Variants in RSRC1 observed in about 807,000 individuals in gnomAD.
RSRC1 encodes the protein serine/Arginine-related protein 53.
A neutral mutation model predicts 49.1 loss-of-function variants in RSRC1; 39 were observed. The ratio of observed to expected loss-of-function variants is 0.79; its 90% CI spans 0.61 to 1.04. The LOEUF (loss-of-function observed/expected upper bound fraction) is 1.04. RSRC1 is among the 50% of genes least tolerant of loss of function. RSRC1 has a pLI of 0.00. For synonymous variants in RSRC1, 143 were observed against 130.8 expected, an observed-to-expected ratio of 1.09 and a Z score of -0.63; for missense variants, 388 against 402.4, an observed-to-expected ratio of 0.96 and a Z score of 0.31.
At chr3:158,504,249 A>T (rs1739746355) in intron 7 of RSRC1, among the ~76,000 whole-genome samples, 1 of 152,198 alleles carries the variant, frequency 6.6e-6, no homozygotes, top group African/African-American at 2.4e-5. Flanking sequence ...CTGCAGGAGC[A>T]GTCAGCTTCC....
At chr3:158,453,226 C>A (rs1173648186) in intron 6 of RSRC1, among the ~76,000 whole-genome samples, 11 of 151,378 alleles carry the variant, frequency 7.3e-5, no homozygotes, top group African/African-American at 2.7e-4. Context: ...CATTTTCAAA[C>A]TCTTGTGCAC....
chr3:158,517,055 T>C (rs1291755076), intron 7 of RSRC1, among the ~76,000 whole-genome samples: 1 of 152,252 alleles, frequency 6.6e-6, no homozygotes, highest in Non-Finnish European at 1.5e-5. Flanking sequence ...ATCACCCGTC[T>C]TCTGCGTCGC....
intron 6 of RSRC1, among the ~76,000 whole-genome samples, chr3:158,390,796 A>G (rs140087629): frequency 0.016 from 2,424 of 152,230 alleles, 17 homozygotes; most frequent in African/African-American, 0.021. Flanking sequence ...AAATTTGTCA[A>G]TGAGTGGATT....
intron 5 of RSRC1, among the ~76,000 whole-genome samples, chr3:158,325,902 C>T (rs1306362029): frequency 6.6e-6 from 1 of 152,116 alleles, no homozygotes; most frequent in East Asian, 1.9e-4. Context: ...TCTTTTATTT[C>T]CTTGAGCAGT....
At chr3:158,420,707 A>G (rs1383552964) in intron 6 of RSRC1, among the ~76,000 whole-genome samples, 1 of 151,892 alleles carries the variant, frequency 6.6e-6, no homozygotes, top group Non-Finnish European at 1.5e-5. Flanking sequence ...ATAGGTTTTT[A>G]TATCTCTAAA....
intron 1 of RSRC1, among the ~76,000 whole-genome samples, chr3:158,120,688 T>A (rs1238332563): frequency 6.8e-6 from 1 of 147,170 alleles, no homozygotes; most frequent in Non-Finnish European, 1.5e-5. Context: ...ATATATATTT[T>A]ATATATATAT....
At chr3:158,466,409 T>C (rs1737893091) in intron 7 of RSRC1, among the ~76,000 whole-genome samples, 1 of 152,200 alleles carries the variant, frequency 6.6e-6, no homozygotes, top group Admixed American at 6.5e-5. Context: ...ATATATTCTG[T>C]TTACTACAAA....
chr3:158,545,188 A>AT lies in RSRC1; in HGVS notation c.*917dup, dbSNP rs1386441866. 1.0e-4 allele frequency: 6 copies of AT among 58,782 alleles called. No homozygotes were observed. Among genetic ancestry groups the AT allele is most frequent in the Admixed American group, 1.7e-4 (1 of 5,716 alleles). 3.6% of individuals were successfully genotyped at this position (58,782 alleles called of 1,614,324 possible). On this transcript the variant is annotated 3_prime_UTR_variant, in exon 10 of 10. Coordinates refer to ENST00000611884, the MANE Select transcript of RSRC1 (RefSeq NM_001271838.2). Reference sequence around the variant, plus strand: ...GCTGACATGAATATTTCCCGTTTCTATTTTCTTTTTTTTTTTTTTTTTTTT... The same window carrying AT: ...GCTGACATGAATATTTCCCGTTTCTATTTTTCTTTTTTTTTTTTTTTTTTTT...
chr3:158,148,726 T>C (rs1717325233), intron 3 of RSRC1, among the ~76,000 whole-genome samples: 1 of 152,024 alleles, frequency 6.6e-6, no homozygotes, highest in South Asian at 2.1e-4. Context: ...CGGTATTTCA[T>C]TCTAGTTCTG....
At chr3:158,345,957 G>T (rs1196844318) in intron 5 of RSRC1, among the ~76,000 whole-genome samples, 1 of 151,728 alleles carries the variant, frequency 6.6e-6, no homozygotes, top group African/African-American at 2.4e-5. Context: ...CAATTGGATA[G>T]CCATATATAG....
intron 4 of RSRC1, among the ~76,000 whole-genome samples, chr3:158,261,573 G>A (rs569540915): frequency 3.9e-5 from 6 of 152,226 alleles, no homozygotes; most frequent in Non-Finnish European, 8.8e-5. Context: ...TGCACAGCAG[G>A]AGGTGAGTTG....
chr3:158,343,895 A>G (rs1730397143), intron 5 of RSRC1, among the ~76,000 whole-genome samples: 1 of 152,180 alleles, frequency 6.6e-6, no homozygotes, highest in South Asian at 2.1e-4. Context: ...AAAAGAGAAT[A>G]ATGAATAATG....
chr3:158,290,486 AGGATGGTCT>A (rs1222586858), intron 4 of RSRC1, among the ~76,000 whole-genome samples: 2 of 152,122 alleles, frequency 1.3e-5, no homozygotes, highest in Non-Finnish European at 2.9e-5. Context: ...CGTGTTAGCC[AGGATGGTCT>A]CGATTTCCTG....
intron 4 of RSRC1, among the ~76,000 whole-genome samples, chr3:158,292,783 AT>A (rs1407889531): frequency 6.6e-6 from 1 of 152,100 alleles, no homozygotes; most frequent in Non-Finnish European, 1.5e-5. Context: ...TCTATAGTTT[AT>A]TTTTTATCTT....
chr3:158,222,626 TTCC>T (rs2108299332), intron 4 of RSRC1, among the ~76,000 whole-genome samples: 1 of 151,676 alleles, frequency 6.6e-6, no homozygotes, highest in South Asian at 2.1e-4. Context: ...CCCCTTATAT[TTCC>T]AAACCAGTAA....
intron 6 of RSRC1, among the ~76,000 whole-genome samples, chr3:158,415,127 T>C (rs918760194): frequency 2.0e-5 from 3 of 152,162 alleles, no homozygotes; most frequent in Non-Finnish European, 4.4e-5. Context: ...TGAATGTTTC[T>C]CATCATTTTT....
At chr3:158,196,126 A>T (rs1033512616) in intron 3 of RSRC1, among the ~76,000 whole-genome samples, 3 of 152,072 alleles carry the variant, frequency 2.0e-5, no homozygotes, top group African/African-American at 7.2e-5. Flanking sequence ...CTTCCTACTC[A>T]CGAGCATGGA....
At chr3:158,430,314 G>T (rs1484418990) in intron 6 of RSRC1, among the ~76,000 whole-genome samples, 1 of 151,894 alleles carries the variant, frequency 6.6e-6, no homozygotes, top group Non-Finnish European at 1.5e-5. Flanking sequence ...CCAGAGCTCA[G>T]AAGGACAGCA....
At chr3:158,433,563 G>T (rs568681111) in intron 6 of RSRC1, among the ~76,000 whole-genome samples, 2 of 152,082 alleles carry the variant, frequency 1.3e-5, no homozygotes, top group African/African-American at 4.8e-5. Context: ...CTGCCTGGTT[G>T]TCTGGAGGGC....
Sources: gnomAD v4.1 joint callset for allele counts (sites outside exome capture counted in the v4.1 genomes callset) on GRCh38, gnomAD v4.1.1 for gene constraint, MANE v1.5 for transcripts, NCBI Gene and HGNC (gene_info 2026-07-23, HGNC 2026-07-21) for gene names.